The following SLC22A23 variants were observed in gnomAD, a reference collection of about 807,000 sequenced individuals.
SLC22A23 encodes ion transporter protein.
A neutral mutation model predicts 61.0 loss-of-function variants in SLC22A23; 26 were observed. The observed-to-expected ratio is 0.43, with a 90% CI of 0.31 to 0.59. The LOEUF is 0.59. SLC22A23 is among the 20% of genes least tolerant of loss of function. The probability of loss-of-function intolerance (pLI) is 0.11; values close to 1 mark genes in which losing one functional copy is unlikely to be tolerated. For synonymous variants in SLC22A23, 430 were observed against 413.9 expected, an observed-to-expected ratio of 1.04 and a Z score of -0.47; for missense variants, 796 against 934.7, an observed-to-expected ratio of 0.85 and a Z score of 1.94.
At chr6:3,351,911 C>T (rs981575367) in intron 3 of SLC22A23, among the ~76,000 whole-genome samples, 2 of 152,370 alleles carry the variant, frequency 1.3e-5, no homozygotes, top group Middle Eastern at 3.4e-3. Context: ...TCATGGGGAC[C>T]ACCTCGAGGC....
At position 3,455,927 on chromosome 6, in the gene SLC22A23, G is replaced by A; in HGVS notation, c.633C>T (p.Leu211=). 2.0e-6 allele frequency: 3 copies of A among 1,515,150 alleles called. No individual in the cohort carries two copies. Among genetic ancestry groups the A allele is most frequent in the South Asian group, 2.5e-5 (2 of 79,832 alleles). The allele number at this position is 1,515,150 out of a possible 1,614,324, so 93.9% of individuals were successfully genotyped here. A position where few individuals can be genotyped will look rare whatever the true frequency, so the allele number is the denominator to read the frequency against. ...TTACCTTGCTGACCACGTTCTGGAC[G>A]AGGCCGGCGCGGATGCCGTAGTCCC... ...RAWDYGIRAG[L]VQNVVSKWDL... is the part of the protein sequence containing the mutation. Residue 211 remains leucine, a synonymous_variant, in exon 1 of 10, where the codon CTC becomes CTT. Transcript: ENST00000406686.
chr6:3,418,252 C>T (rs1259911163), intron 1 of SLC22A23, among the ~76,000 whole-genome samples: 1 of 152,210 alleles, frequency 6.6e-6, no homozygotes, highest in East Asian at 1.9e-4. Flanking sequence ...GGCAGGGAGT[C>T]ATCTGAAATG....
Position 3,271,677 on chromosome 6 carries a change from A to C in SLC22A23, c.*1378T>G, listed in dbSNP as rs572166429. ...AAAAGCTGGTGCCCAAGTTGCTACA[A>C]AGTGGTGCCTGCCCTTGCCAAGGAG... On this transcript the variant is annotated 3_prime_UTR_variant, in exon 10 of 10. Coordinates refer to ENST00000406686, the MANE Select transcript of SLC22A23 (RefSeq NM_015482.2). 1 of 152,276 alleles carries C rather than the reference A, an allele frequency of 6.6e-6. No homozygotes were observed. The highest frequency in any genetic ancestry group is 1.5e-5 in the Non-Finnish European group (1 of 68,014). The allele number at this position is 152,276 out of a possible 1,614,324, so 9.4% of individuals were successfully genotyped here.
intron 1 of SLC22A23, among the ~76,000 whole-genome samples, chr6:3,439,591 G>A (rs1771456321): frequency 6.6e-6 from 1 of 152,200 alleles, no homozygotes; most frequent in South Asian, 2.1e-4. Context: ...ACTGAAATGT[G>A]ACTTTAGGTT....
chr6:3,362,592 GC>G (rs1765549546), intron 3 of SLC22A23, among the ~76,000 whole-genome samples: 1 of 151,828 alleles, frequency 6.6e-6, no homozygotes, highest in African/African-American at 2.4e-5. Context: ...GCACAGCAAA[GC>G]CCCCCATCCC....
chr6:3,291,236 G>C (rs1211636166), intron 5 of SLC22A23: 1 of 152,216 alleles, frequency 6.6e-6, no homozygotes, highest in African/African-American at 2.4e-5. Flanking sequence ...CTGTGCTTCC[G>C]AGGGCCACTC....
chr6:3,374,430 C>G (rs1029870712), intron 3 of SLC22A23, among the ~76,000 whole-genome samples: 8 of 152,094 alleles, frequency 5.3e-5, no homozygotes, highest in African/African-American at 1.9e-4. Context: ...CCTGGAGAGT[C>G]AGAAAGGAAA....
chr6:3,380,240 G>A (rs1289781137), intron 3 of SLC22A23, among the ~76,000 whole-genome samples: 1 of 152,188 alleles, frequency 6.6e-6, no homozygotes, highest in Non-Finnish European at 1.5e-5. Flanking sequence ...GCTTCAAACT[G>A]AAATGAATTG....
chr6:3,384,226 A>G (rs1767138430), intron 3 of SLC22A23, among the ~76,000 whole-genome samples: 1 of 152,272 alleles, frequency 6.6e-6, no homozygotes, highest in African/African-American at 2.4e-5. Flanking sequence ...GACATCTCAC[A>G]GTGAATCTTT....
At chr6:3,313,405 C>T (rs1046850761) in intron 4 of SLC22A23, 1 of 152,124 alleles carries the variant, frequency 6.6e-6, no homozygotes, top group Non-Finnish European at 1.5e-5. Flanking sequence ...TATTGGATAA[C>T]TTGTAAAAAT....
At chr6:3,368,758 G>T (rs998213454) in intron 3 of SLC22A23, among the ~76,000 whole-genome samples, 1 of 152,202 alleles carries the variant, frequency 6.6e-6, no homozygotes, top group Admixed American at 6.5e-5. Context: ...AGGAAAGACA[G>T]CCAAGATTAG....
chr6:3,284,882 C>A, intron 8 of SLC22A23, 197 bp downstream of exon 8: 2 of 1,533,798 alleles, frequency 1.3e-6, no homozygotes, highest in Non-Finnish European at 1.7e-6. Context: ...AAGCACCAGT[C>A]GCTCTTTCTA....
chr6:3,296,169 C>T (rs1761070357), intron 5 of SLC22A23, among the ~76,000 whole-genome samples: 1 of 152,316 alleles, frequency 6.6e-6, no homozygotes, highest in South Asian at 2.1e-4. Context: ...CGAGTGAGGT[C>T]TGGGGAAATC....
In SLC22A23 at chr6:3,454,286, T is replaced by C. The variant is rs1437867309; in HGVS notation, c.654+1620A>G. Among the ~76,000 whole-genome samples the C allele has an allele frequency of 6.6e-6, 1 of 152,126 alleles. No individual in the cohort carries two copies. Among genetic ancestry groups the C allele is most frequent in the African/African-American group, 2.4e-5 (1 of 41,420 alleles). On this transcript the variant is annotated intron_variant, in intron 1 of 9. Coordinates refer to ENST00000406686, the MANE Select transcript of SLC22A23 (RefSeq NM_015482.2). The surrounding 1 kb of genome is among the most constrained non-coding windows in gnomAD (Gnocchi z 4.3). ...CTCCATAGTCTGCTTTTAAGAACTA[T>C]TTTTGTTCTCTCCTCCCACCGTGCA...
chr6:3,274,859 C>G (rs1319443180), intron 9 of SLC22A23, among the ~76,000 whole-genome samples: 1 of 150,704 alleles, frequency 6.6e-6, no homozygotes, highest in African/African-American at 2.5e-5. Flanking sequence ...GAGTGACATT[C>G]CATGTTCATG....
chr6:3,324,914 C>CA lies in SLC22A23; in HGVS notation c.914-913dup, dbSNP rs1416101539. Among the ~76,000 whole-genome samples the CA allele has an allele frequency of 6.6e-6, 1 of 152,182 alleles. No homozygotes were observed. The highest frequency in any genetic ancestry group is 1.5e-5 in the Non-Finnish European group (1 of 68,024). On this transcript the variant is annotated intron_variant, in intron 3 of 9. Transcript: ENST00000406686. The surrounding 1 kb of genome is among the most constrained non-coding windows in gnomAD (Gnocchi z 4.3). ...TAATCTGTGGCACCCAAGTGACAAC[C>CA]AATACAGACTTACTACTACGTGAAT... is the stretch of plus-strand genomic sequence containing the variant.
At chr6:3,285,018 A>G in intron 8 of SLC22A23, 61 bp downstream of exon 8, 1 of 1,597,228 alleles carries the variant, frequency 6.3e-7, no homozygotes, top group African/African-American at 1.3e-5. Context: ...AGTCTTCGAG[A>G]AAACACCCAT....
chr6:3,295,486 G>A (rs1490752685), intron 5 of SLC22A23, among the ~76,000 whole-genome samples: 1 of 152,190 alleles, frequency 6.6e-6, no homozygotes, highest in Non-Finnish European at 1.5e-5. Flanking sequence ...GCACTGGAGA[G>A]GCTTGAAGCC....
At chr6:3,433,654 C>T (rs1377192594) in intron 1 of SLC22A23, among the ~76,000 whole-genome samples, 1 of 152,094 alleles carries the variant, frequency 6.6e-6, no homozygotes, top group Non-Finnish European at 1.5e-5. Flanking sequence ...TGGAAACAAC[C>T]CTGCGTCCAT....
Sources: allele counts gnomAD v4.1 joint callset (sites outside exome capture counted in the v4.1 genomes callset), GRCh38; gene constraint gnomAD v4.1.1; non-coding constraint Gnocchi (gnomAD v3.1); transcripts MANE v1.5; gene names NCBI Gene and HGNC (gene_info 2026-07-23, HGNC 2026-07-21).